Variants in CDH13 observed in about 807,000 individuals in gnomAD.
CDH13 encodes cadherin-13.
Under a neutral mutation model 63.8 loss-of-function variants are expected in CDH13, and 24 were observed. The observed-to-expected ratio is 0.38, with a 90% CI of 0.27 to 0.53. CDH13 has a LOEUF of 0.53. Ranked by LOEUF, CDH13 falls within the 20% of genes least tolerant of loss-of-function variation. The pLI is 0.85. For missense variants in CDH13, 1,049 were observed against 903.1 expected, an observed-to-expected ratio of 1.16 and a Z score of -2.07; for synonymous variants, 503 against 355.3, an observed-to-expected ratio of 1.42 and a Z score of -4.67.
At chr16:83,332,567 G>T (rs537003522) in intron 5 of CDH13, among the ~76,000 whole-genome samples, 1 of 152,252 alleles carries the variant, frequency 6.6e-6, no homozygotes, top group East Asian at 1.9e-4. Context: ...ATTTCTCTCT[G>T]CTGGCTTTGT....
rs575848962 is a variant in CDH13, at chr16:83,500,088, C to T, written c.960+13433C>T. ...AAAGCCCTGGGATTACAGGTGTGAG[C>T]CACTGCACCCGGCCCAATTCTGTTA... On this transcript the variant is annotated intron_variant, in intron 7 of 13. Transcript: ENST00000567109. Among the ~76,000 whole-genome samples, 21 of 151,948 alleles carry T rather than the reference C, an allele frequency of 1.4e-4. No individual in the cohort carries two copies. The East Asian group carries it at 2.9e-3, about 21-fold the overall frequency.
intron 10 of CDH13, among the ~76,000 whole-genome samples, chr16:83,683,340 G>C (rs1915557222): frequency 6.6e-6 from 1 of 152,140 alleles, no homozygotes; most frequent in Non-Finnish European, 1.5e-5. Context: ...CTTTTGAAAA[G>C]ACAGGTAAGA....
At chr16:83,748,282 A>C in intron 11 of CDH13, 32 bp downstream of exon 11, 1 of 1,559,460 alleles carries the variant, frequency 6.4e-7, no homozygotes, top group Non-Finnish European at 8.7e-7. Context: ...TCAAGGGTAT[A>C]CTTTTCTGCT....
intron 7 of CDH13, among the ~76,000 whole-genome samples, chr16:83,545,028 A>G (rs1247709405): frequency 1.3e-5 from 2 of 152,258 alleles, no homozygotes; most frequent in Non-Finnish European, 2.9e-5. Context: ...CACTGGAAAC[A>G]TACTTAATGA....
rs955509137 is a variant in CDH13, at chr16:83,108,981, A to C, written c.367-16404A>C. 4.6e-5 allele frequency among the ~76,000 whole-genome samples: 7 copies of C among 151,982 alleles called. No homozygotes were observed. The East Asian group carries it at 1.4e-3, about 29-fold the overall frequency. ...CTTCCCCTCCCTGCCTCACTTCCTC[A>C]TTCTCCTGCCCACATTTCCTGGGAT... On this transcript the variant is annotated intron_variant, in intron 3 of 13. Coordinates refer to ENST00000567109, the MANE Select transcript of CDH13 (RefSeq NM_001257.5).
chr16:83,058,624 C>T (rs1007706227), intron 3 of CDH13, among the ~76,000 whole-genome samples: 1 of 152,210 alleles, frequency 6.6e-6, no homozygotes, highest in Non-Finnish European at 1.5e-5. Flanking sequence ...AGGAAGAAAA[C>T]ATTAATGATG....
chr16:83,300,483 G>A (rs922038380), intron 5 of CDH13, among the ~76,000 whole-genome samples: 4 of 152,216 alleles, frequency 2.6e-5, no homozygotes, highest in Non-Finnish European at 2.9e-5. Flanking sequence ...CAAATGAACT[G>A]AGACCTGACA....
At chr16:83,394,550 A>C (rs887442444) in intron 6 of CDH13, among the ~76,000 whole-genome samples, 6 of 152,122 alleles carry the variant, frequency 3.9e-5, no homozygotes, top group Admixed American at 2.0e-4. Context: ...ATCACATCCA[A>C]CTGTGCAGGC....
chr16:83,463,913 T>G (rs1049785427), intron 6 of CDH13, among the ~76,000 whole-genome samples: 1 of 152,172 alleles, frequency 6.6e-6, no homozygotes, highest in African/African-American at 2.4e-5. Flanking sequence ...GCAGTCCTTC[T>G]GTGTGGCCAG....
At chr16:83,446,689 A>T (rs957393599) in intron 6 of CDH13, among the ~76,000 whole-genome samples, 3 of 152,116 alleles carry the variant, frequency 2.0e-5, no homozygotes, top group Non-Finnish European at 2.9e-5. Flanking sequence ...TCTTCCCTGT[A>T]ATTAATTTAA....
chr16:83,324,045 T>TC (rs1340282029), intron 5 of CDH13, among the ~76,000 whole-genome samples: 4 of 151,446 alleles, frequency 2.6e-5, no homozygotes, highest in African/African-American at 7.3e-5. Context: ...TTCTTCTTTT[T>TC]TTTTTTTTTT....
In CDH13 at chr16:83,591,927, C is replaced by T. The variant is rs111660001; in HGVS notation, c.961-10527C>T. 9.4e-3 allele frequency among the ~76,000 whole-genome samples: 1,430 copies of T among 152,338 alleles called. 16 individuals carry two copies. Among genetic ancestry groups the T allele is most frequent in the African/African-American group, 0.033 (1,381 of 41,570 alleles). On this transcript the variant is annotated intron_variant, in intron 7 of 13. Transcript: ENST00000567109. The stretch of plus-strand genomic sequence containing the variant: ...TTAGGGATTAAAGGTCTCCCACCTT[C>T]TTCCATATAATTTGACTTTCAGTCC...
chr16:83,035,397 C>A (rs879675767), intron 3 of CDH13, among the ~76,000 whole-genome samples: 2 of 152,132 alleles, frequency 1.3e-5, no homozygotes. Context: ...CCTCAAAGCA[C>A]CAACCATGTG....
intron 7 of CDH13, among the ~76,000 whole-genome samples, chr16:83,585,240 A>G (rs936631236): frequency 5.9e-5 from 9 of 152,152 alleles, no homozygotes; most frequent in African/African-American, 2.2e-4. Context: ...CCTGCACTCT[A>G]TAACTACTTC....
intron 7 of CDH13, among the ~76,000 whole-genome samples, chr16:83,591,959 C>T (rs973512181): frequency 1.2e-4 from 18 of 152,288 alleles, no homozygotes; most frequent in African/African-American, 4.3e-4. Context: ...GTCCAAGACA[C>T]CATCTCTAAT....
At chr16:83,251,273 T>C (rs1047737485) in intron 5 of CDH13, among the ~76,000 whole-genome samples, 13 of 152,214 alleles carry the variant, frequency 8.5e-5, no homozygotes, top group African/African-American at 3.1e-4. Context: ...GAAAGTGTAA[T>C]GAGAGAAAAA....
At chr16:83,327,852 G>C (rs1423734538) in intron 5 of CDH13, among the ~76,000 whole-genome samples, 1 of 152,226 alleles carries the variant, frequency 6.6e-6, no homozygotes, top group Non-Finnish European at 1.5e-5. Flanking sequence ...ACACCTGGTG[G>C]CTGGGCGCAG....
In CDH13 at chr16:83,796,285, T is replaced by G. The variant is rs1904280727; in HGVS notation, c.*1255T>G. ...TCTATCAAATAAAACTAGTGACAGC[T>G]TGTGGCTTTTTATTAGAGCTCGCCA... On this transcript the variant is annotated 3_prime_UTR_variant, in exon 14 of 14. Coordinates refer to ENST00000567109, the MANE Select transcript of CDH13 (RefSeq NM_001257.5). 1 of 152,254 alleles carries G rather than the reference T, an allele frequency of 6.6e-6. No homozygotes were observed. The highest frequency in any genetic ancestry group is 1.5e-5 in the Non-Finnish European group (1 of 68,048). 9.4% of individuals were successfully genotyped at this position (152,254 alleles called of 1,614,324 possible).
intron 4 of CDH13, among the ~76,000 whole-genome samples, chr16:83,211,719 A>T (rs879296948): frequency 2.6e-5 from 4 of 151,970 alleles, no homozygotes; most frequent in African/African-American, 9.7e-5. Context: ...CCCTGCCCGG[A>T]TGCAGAAGAC....
Sources: allele counts gnomAD v4.1 joint callset (sites outside exome capture counted in the v4.1 genomes callset), GRCh38; gene constraint gnomAD v4.1.1; transcripts MANE v1.5; gene names NCBI Gene and HGNC (gene_info 2026-07-23, HGNC 2026-07-21).